The following TGM4 variants were observed in gnomAD, a reference collection of about 807,000 sequenced individuals.
TGM4 encodes the protein transglutaminase 4.
A neutral mutation model predicts 76.3 loss-of-function variants in TGM4; 61 were observed. The ratio of observed to expected loss-of-function variants is 0.80; its 90% CI spans 0.65 to 0.99. The LOEUF is 0.99. Among genes scored for constraint, TGM4 ranks in the 50% least tolerant of loss-of-function variants. TGM4 has a pLI of 0.00. For synonymous variants in TGM4, 337 were observed against 329.8 expected, an observed-to-expected ratio of 1.02 and a Z score of -0.24; for missense variants, 794 against 843.2, an observed-to-expected ratio of 0.94 and a Z score of 0.72.
intron 1 of TGM4, among the ~76,000 whole-genome samples, chr3:44,880,322 T>C (rs1424494223): frequency 1.3e-5 from 2 of 152,242 alleles, no homozygotes; most frequent in African/African-American, 4.8e-5. Context: ...CAACTGTGAC[T>C]AGGAGCCAGT....
intron 4 of TGM4, among the ~76,000 whole-genome samples, chr3:44,891,756 C>T (rs546346589): frequency 2.6e-5 from 4 of 151,860 alleles, no homozygotes; most frequent in South Asian, 2.1e-4. Flanking sequence ...GGGCGCATCA[C>T]GAGGTTGGGA....
At chr3:44,891,248 C>G (rs1699692229) in intron 4 of TGM4, among the ~76,000 whole-genome samples, 1 of 152,202 alleles carries the variant, frequency 6.6e-6, no homozygotes, top group Non-Finnish European at 1.5e-5. Flanking sequence ...CATCTTCTTG[C>G]AGCCTCAAAT....
Position 44,911,045 on chromosome 3 carries a change from T to A in TGM4, c.1694T>A (p.Ile565Asn). 1 of 1,614,180 alleles carries A rather than the reference T, an allele frequency of 6.2e-7. No individual in the cohort carries two copies. Among genetic ancestry groups the A allele is most frequent in the Non-Finnish European group, 8.5e-7 (1 of 1,180,034 alleles). ...GATGAGCCAGTTATCAGAGGTTTCA[T>A]CATTGCGGAAATTGTGGAGTCTAAG... The part of the protein sequence containing the change: ...LDDEPVIRGF[I>N]IAEIVESKEI... The change falls in exon 12 of 14, where the codon ATC (isoleucine) becomes AAC (asparagine). Residue 565 changes from isoleucine (I) to asparagine (N), a missense_variant. Coordinates refer to ENST00000296125, the MANE Select transcript of TGM4 (RefSeq NM_003241.4).
intron 5 of TGM4, 22 bp from the exon 6 acceptor site, chr3:44,896,687 C>G: frequency 6.2e-7 from 1 of 1,612,814 alleles, no homozygotes; most frequent in Non-Finnish European, 8.5e-7. Flanking sequence ...TTAACTGCCT[C>G]TTTCTTCATT....
Position 44,906,956 on chromosome 3 carries a change from C to T in TGM4, c.1083C>T (p.Phe361=), listed in dbSNP as rs773385659. ...CCCCTGGCTTCCCCTCAGGTGTCTT[C>T]TGCTGTGGGCCATCACCACTGACCG... ...ATPQERSQGV[F]CCGPSPLTAI... is the part of the protein sequence containing the mutation. Residue 361 remains phenylalanine (F), a synonymous_variant, in exon 10 of 14, where the codon TTC becomes TTT. Transcript: ENST00000296125. 6.2e-7 allele frequency: 1 copy of T among 1,613,814 alleles called. No individual in the cohort carries two copies. Among genetic ancestry groups the T allele is most frequent in the Non-Finnish European group, 8.5e-7 (1 of 1,179,840 alleles).
Position 44,911,049 on chromosome 3 carries a change from T to C in TGM4, c.1698T>C (p.Ile566=), listed in dbSNP as rs1372024646. Residue 566 remains isoleucine (I), a synonymous_variant, in exon 12 of 14, where the codon ATT becomes ATC. Transcript: ENST00000296125. ...AGCCAGTTATCAGAGGTTTCATCAT[T>C]GCGGAAATTGTGGAGTCTAAGGAAA... is the stretch of plus-strand genomic sequence containing the variant. ...DDEPVIRGFI[I]AEIVESKEIM... 6.2e-7 allele frequency: 1 copy of C among 1,614,180 alleles called. No individual in the cohort carries two copies. The highest frequency in any genetic ancestry group is 1.7e-5 in the Admixed American group (1 of 60,032).
rs1242541197 is a variant in TGM4, at chr3:44,910,148, G to A, written c.1386G>A (p.Arg462=). The A allele has an allele frequency of 2.5e-6, 4 of 1,614,168 alleles. No homozygotes were observed. Among genetic ancestry groups the A allele is most frequent in the Admixed American group, 3.3e-5 (2 of 60,026 alleles). The change falls in exon 11 of 14, where the codon AGG becomes AGA. Residue 462 remains arginine (R), a synonymous_variant. Transcript: ENST00000296125. ...CCTTCCTCCTTCTCAGTTCTGAGAG[G>A]GAGCACAGACGACCTGTAAAAGAGA... The part of the protein sequence containing the change: ...DHAFLLLSSE[R]EHRRPVKENF...
intron 1 of TGM4, among the ~76,000 whole-genome samples, chr3:44,878,773 C>A (rs187877993): frequency 6.6e-6 from 1 of 152,102 alleles, no homozygotes; most frequent in Admixed American, 6.6e-5. Flanking sequence ...TGAGCCGCTG[C>A]GCCTGGCCTC....
chr3:44,901,969 T>C, intron 8 of TGM4, 38 bp downstream of exon 8: 4 of 1,594,748 alleles, frequency 2.5e-6, no homozygotes, highest in Non-Finnish European at 2.6e-6. Flanking sequence ...TGTCTCCTTC[T>C]CCCAGGAATT....
intron 6 of TGM4, among the ~76,000 whole-genome samples, chr3:44,898,309 G>A (rs544399636): frequency 5.3e-5 from 8 of 151,712 alleles, no homozygotes; most frequent in African/African-American, 1.7e-4. Context: ...GAAGCGGGGC[G>A]GGGGCAGGAA....
chr3:44,897,464 G>A (rs1189251837), intron 6 of TGM4, among the ~76,000 whole-genome samples: 1 of 152,220 alleles, frequency 6.6e-6, no homozygotes, highest in Non-Finnish European at 1.5e-5. Context: ...AGTTGGGTGA[G>A]CAAACTGTTG....
Position 44,911,298 on chromosome 3 carries a change from T to C in TGM4, c.1805T>C (p.Leu602Pro), listed in dbSNP as rs1410263619. The C allele has an allele frequency of 6.2e-7, 1 of 1,614,252 alleles. No individual in the cohort carries two copies. Among genetic ancestry groups the C allele is most frequent in the South Asian group, 1.1e-5 (1 of 91,086 alleles). Reference protein sequence around the residue: ...ELPNTGRIGQLLVCNCIFKNT... With the variant: ...ELPNTGRIGQPLVCNCIFKNT... ...CCTAACACAGGCAGAATTGGCCAGC[T>C]ACTTGTCTGCAATTGTATCTTCAAG... is the stretch of plus-strand genomic sequence containing the variant. The change falls in exon 13 of 14, where the codon CTA becomes CCA. Residue 602 changes from leucine (L) to proline (P), a missense_variant. By Grantham distance (98) the Leu-to-Pro change is moderately conservative. Transcript: ENST00000296125.
chr3:44,882,886 T>C (rs1559609487), intron 1 of TGM4, among the ~76,000 whole-genome samples: 1 of 152,232 alleles, frequency 6.6e-6, no homozygotes, highest in Non-Finnish European at 1.5e-5. Context: ...TGCCAGGCAC[T>C]CAATGTGCAC....
chr3:44,887,794 AG>A lies in TGM4; in HGVS notation c.300+1del. On this transcript the variant is annotated frameshift_variant and splice_region_variant, in exon 3 of 14. Coordinates refer to ENST00000296125, the MANE Select transcript of TGM4 (RefSeq NM_003241.4). LOFTEE classifies it high-confidence loss of function. ...QATLQNESGK[E>X]VTVAVTSSPN... ...ACCCTTCAAAATGAGTCTGGCAAAG[AG>A]GTGAGCACCCACTGGGCTGGCGGGT... 2 of 1,614,124 alleles carry A rather than the reference AG, an allele frequency of 1.2e-6. No homozygotes were observed. Among genetic ancestry groups the A allele is most frequent in the Non-Finnish European group, 1.7e-6 (2 of 1,179,998 alleles).
rs1699593079 is a variant in TGM4 at position 44,885,507 on chromosome 3, T to C, written c.193+9T>C. 6.2e-7 allele frequency: 1 copy of C among 1,606,004 alleles called. No homozygotes were observed. Among genetic ancestry groups the C allele is most frequent in the Non-Finnish European group, 8.5e-7 (1 of 1,175,118 alleles). On this transcript the variant is annotated intron_variant, in intron 2 of 13. Coordinates refer to ENST00000296125, the MANE Select transcript of TGM4 (RefSeq NM_003241.4). Reference sequence around the variant, plus strand: ...ACTGGAATTCAGCACAGGTGAAGCCTCGGGGCCCTACTCATGGGGCTTTGG... The same window carrying C: ...ACTGGAATTCAGCACAGGTGAAGCCCCGGGGCCCTACTCATGGGGCTTTGG...
Position 44,911,313 on chromosome 3 carries a change from G to C in TGM4, c.1820G>C (p.Cys607Ser), listed in dbSNP as rs759957106. The change falls in exon 13 of 14, where the codon TGT becomes TCT. Residue 607 changes from cysteine (C) to serine (S), a missense_variant. Cys to Ser is a moderately radical substitution (Grantham distance 112). Coordinates refer to ENST00000296125, the MANE Select transcript of TGM4 (RefSeq NM_003241.4). ...ATTGGCCAGCTACTTGTCTGCAATT[G>C]TATCTTCAAGAATACCCTGGCCATC... ...GRIGQLLVCNCIFKNTLAIPL... is the reference protein window; with the variant it reads ...GRIGQLLVCNSIFKNTLAIPL... 1.9e-6 allele frequency: 3 copies of C among 1,614,196 alleles called. No homozygotes were observed. Among genetic ancestry groups the C allele is most frequent in the Non-Finnish European group, 2.5e-6 (3 of 1,180,044 alleles).
Position 44,901,525 on chromosome 3 carries a change from T to A in TGM4, c.659T>A (p.Met220Lys). Residue 220 changes from methionine (M) to lysine (K), a missense_variant and splice_region_variant, in exon 7 of 14, where the codon ATG (methionine) becomes AAG (lysine). Physicochemically the swap from Met to Lys is moderately conservative, Grantham distance 95. Coordinates refer to ENST00000296125, the MANE Select transcript of TGM4 (RefSeq NM_003241.4). Reference protein sequence around the residue: ...VLVCRAMCAMMSFEKGQGVLI... With the variant: ...VLVCRAMCAMKSFEKGQGVLI... Reference sequence around the variant, plus strand: ...ACCCCACCCCTACGTGTGTGGCAGATGAGCTTTGAGAAAGGCCAGGGCGTG... The same window carrying A: ...ACCCCACCCCTACGTGTGTGGCAGAAGAGCTTTGAGAAAGGCCAGGGCGTG... 6.2e-7 allele frequency: 1 copy of A among 1,602,440 alleles called. No homozygotes were observed. The highest frequency in any genetic ancestry group is 8.5e-7 in the Non-Finnish European group (1 of 1,171,352).
At chr3:44,891,279 C>A (rs1474475007) in intron 4 of TGM4, among the ~76,000 whole-genome samples, 1 of 152,158 alleles carries the variant, frequency 6.6e-6, no homozygotes, top group Non-Finnish European at 1.5e-5. Context: ...CTATGTCAAC[C>A]CTTTCCACAC....
chr3:44,888,145 G>T, intron 3 of TGM4: 1 of 246,178 alleles, frequency 4.1e-6, no homozygotes, highest in Non-Finnish European at 7.9e-6. Flanking sequence ...TCTGTGTCAT[G>T]GTCAAATACA....
Sources: allele counts gnomAD v4.1 joint callset (sites outside exome capture counted in the v4.1 genomes callset), GRCh38; gene constraint gnomAD v4.1.1; transcripts MANE v1.5; gene names NCBI Gene and HGNC (gene_info 2026-07-23, HGNC 2026-07-21).